Variants in TMEM245 observed in about 807,000 individuals in gnomAD.
TMEM245 encodes protein CG-2.
TMEM245 carries 69 observed loss-of-function variants against 101.2 expected under a neutral mutation model. That is an observed-to-expected ratio of 0.68 (90% CI 0.56 to 0.83). TMEM245 has a LOEUF of 0.83. TMEM245 is among the 40% of genes least tolerant of loss of function. The pLI is 0.00. For synonymous variants in TMEM245, 537 were observed against 449.8 expected, an observed-to-expected ratio of 1.19 and a Z score of -2.45; for missense variants, 1,075 against 1,092.8, an observed-to-expected ratio of 0.98 and a Z score of 0.23.
intron 1 of TMEM245, among the ~76,000 whole-genome samples, chr9:109,109,751 A>G (rs1588082027): frequency 6.6e-6 from 1 of 152,292 alleles, no homozygotes; most frequent in East Asian, 1.9e-4. Flanking sequence ...ACAACTGGGA[A>G]ATGATTACGA....
At chr9:109,028,525 T>C (rs1166308183) in intron 17 of TMEM245, among the ~76,000 whole-genome samples, 3 of 151,832 alleles carry the variant, frequency 2.0e-5, no homozygotes, top group South Asian at 4.2e-4. Flanking sequence ...ATTCAAAAAA[T>C]TTCTGATTCT....
At chr9:109,092,880 C>T (rs181201030) in intron 4 of TMEM245, among the ~76,000 whole-genome samples, 22 of 152,246 alleles carry the variant, frequency 1.4e-4, no homozygotes, top group Admixed American at 1.2e-3. Context: ...TCCAAAACAA[C>T]CAGAGGGGTC....
Position 109,080,924 on chromosome 9 carries a change from T to C in TMEM245, c.1364A>G (p.Lys455Arg). ...LNKKMIIWLE[K>R]MLDKIISIFI... ...AATGCTAATTATTTTATCTAACATC[T>C]TCTCCAACCAGATGATCATCTGCAC... The change falls in exon 8 of 18, where the codon AAG (lysine) becomes AGG (arginine). Residue 455 changes from lysine (K) to arginine (R), a missense_variant. By Grantham distance (26) the Lys-to-Arg change is conservative. Coordinates refer to ENST00000374586, the MANE Select transcript of TMEM245 (RefSeq NM_032012.4). 2 of 1,604,256 alleles carry C rather than the reference T, an allele frequency of 1.2e-6. No homozygotes were observed.
rs190725288 is a variant in TMEM245 at position 109,020,540 on chromosome 9, A to G, written c.2595-35T>C. On this transcript the variant is annotated intron_variant, in intron 17 of 17. Transcript: ENST00000374586. ...AAAAAGACGGAATGATTAGTTGATT[A>G]CCATAAAACAGTATCCTATTTTTAC... 7.8e-5 allele frequency: 123 copies of G among 1,579,920 alleles called. No homozygotes were observed. In the East Asian group the frequency reaches 2.4e-3, roughly 31 times the overall value.
chr9:109,087,124 G>T, intron 6 of TMEM245, 49 bp downstream of exon 6: 1 of 1,499,146 alleles, frequency 6.7e-7, no homozygotes, highest in East Asian at 2.4e-5. Context: ...TTCAAACCAC[G>T]AAATATATTA....
rs1004558161 is a variant in TMEM245 at position 109,018,492 on chromosome 9, T to A, written c.*1968A>T. Reference sequence around the variant, plus strand: ...TCTAATACTCAGTGGAATAGCTGATTATAATCGCTAAAATATTCATAATAG... The same window carrying A: ...TCTAATACTCAGTGGAATAGCTGATAATAATCGCTAAAATATTCATAATAG... On this transcript the variant is annotated 3_prime_UTR_variant, in exon 18 of 18. Coordinates refer to ENST00000374586, the MANE Select transcript of TMEM245 (RefSeq NM_032012.4). 16 of 152,168 alleles carry A rather than the reference T, an allele frequency of 1.1e-4. No homozygotes were observed. The highest frequency in any genetic ancestry group is 3.9e-4 in the African/African-American group (16 of 41,422). The allele number at this position is 152,168 out of a possible 1,614,324, so 9.4% of individuals were successfully genotyped here.
chr9:109,042,839 A>ATTTTT (rs754295748), intron 14 of TMEM245, among the ~76,000 whole-genome samples: 26 of 115,524 alleles, frequency 2.3e-4, no homozygotes, highest in African/African-American at 2.7e-4. Context: ...ATAGCTGACA[A>ATTTTT]TTTTTTTTTT....
At chr9:109,091,345 A>G (rs1171013694) in intron 4 of TMEM245, among the ~76,000 whole-genome samples, 190 bp from the exon 5 acceptor site, 1 of 152,230 alleles carries the variant, frequency 6.6e-6, no homozygotes, top group African/African-American at 2.4e-5. Context: ...ATGGAGAATT[A>G]CAATGCCAAT....
intron 7 of TMEM245, among the ~76,000 whole-genome samples, chr9:109,082,382 G>A (rs922720651): frequency 2.0e-5 from 3 of 152,298 alleles, no homozygotes; most frequent in Admixed American, 6.5e-5. Context: ...AAGGTCAGAT[G>A]TCATATTCTG....
chr9:109,107,760 G>T (rs1000701474), intron 2 of TMEM245, among the ~76,000 whole-genome samples: 6 of 152,094 alleles, frequency 3.9e-5, no homozygotes, highest in Non-Finnish European at 7.3e-5. Context: ...TGTTTCCATT[G>T]GCTCAAACTT....
intron 11 of TMEM245, 31 bp downstream of exon 11, chr9:109,060,323 A>G: frequency 6.7e-7 from 1 of 1,497,528 alleles, no homozygotes; most frequent in South Asian, 1.2e-5. Flanking sequence ...TTATTAGTTT[A>G]CAACAGGAAA....
rs1830612362 is a variant in TMEM245 at position 109,113,072 on chromosome 9, T to C, written c.580-4502A>G. Among the ~76,000 whole-genome samples, 9 of 152,316 alleles carry C rather than the reference T, an allele frequency of 5.9e-5. No homozygotes were observed. In the South Asian group the frequency reaches 1.9e-3, roughly 32 times the overall value. On this transcript the variant is annotated intron_variant, in intron 1 of 17. Transcript: ENST00000374586. ...GCCTGAGTGACAGAGCAAGGCTCCA[T>C]CTCAGCGGGGCCAGGGGCAGGGCGG...
At chr9:109,088,339 G>C (rs1008117022) in intron 5 of TMEM245, among the ~76,000 whole-genome samples, 2 of 152,142 alleles carry the variant, frequency 1.3e-5, no homozygotes, top group African/African-American at 4.8e-5. Context: ...GTAATTACAA[G>C]CTGTAGAAAA....
At chr9:109,115,429 T>TA (rs1462040016) in intron 1 of TMEM245, among the ~76,000 whole-genome samples, 2 of 147,250 alleles carry the variant, frequency 1.4e-5, no homozygotes, top group Middle Eastern at 3.6e-3. Context: ...TGCATAGATA[T>TA]AAAAATAAAA....
Position 109,100,766 on chromosome 9 carries a change from A to C in TMEM245, c.799+5742T>G, listed in dbSNP as rs543593247. Among the ~76,000 whole-genome samples, 11 of 152,328 alleles carry C rather than the reference A, an allele frequency of 7.2e-5. No homozygotes were observed. The South Asian group carries it at 2.3e-3, about 32-fold the overall frequency. On this transcript the variant is annotated intron_variant, in intron 3 of 17. Transcript: ENST00000374586. Reference sequence around the variant, plus strand: ...AATGAAGATACCATCTATCTTACAAAGATTTATTTGTTTGAGTTCTGTTTT... The same window carrying C: ...AATGAAGATACCATCTATCTTACAACGATTTATTTGTTTGAGTTCTGTTTT...
intron 12 of TMEM245, among the ~76,000 whole-genome samples, chr9:109,056,515 C>G (rs1296054397): frequency 6.7e-6 from 1 of 148,994 alleles, no homozygotes; most frequent in Non-Finnish European, 1.5e-5. Flanking sequence ...ACTTAGGAGG[C>G]TGAGGTAGGA....
chr9:109,100,291 TAGGGTCAAGAAC>T (rs1274716345), intron 3 of TMEM245, among the ~76,000 whole-genome samples: 4 of 152,118 alleles, frequency 2.6e-5, no homozygotes, highest in Non-Finnish European at 5.9e-5. Context: ...ACGCTGGGCT[TAGGGTCAAGAAC>T]CTATGTTTAT....
intron 1 of TMEM245, among the ~76,000 whole-genome samples, chr9:109,118,398 C>G (rs1830786745): frequency 6.6e-6 from 1 of 152,208 alleles, no homozygotes; most frequent in Non-Finnish European, 1.5e-5. Context: ...GTAAATGGTA[C>G]TGTTTATGAA....
chr9:109,038,989 G>A (rs1828223545), intron 14 of TMEM245: 1 of 152,212 alleles, frequency 6.6e-6, no homozygotes, highest in Admixed American at 6.5e-5. Context: ...GTGCAGAGGG[G>A]TGCAGGGAAA....
Sources: gnomAD v4.1 joint callset for allele counts (sites outside exome capture counted in the v4.1 genomes callset) on GRCh38, gnomAD v4.1.1 for gene constraint, MANE v1.5 for transcripts, NCBI Gene and HGNC (gene_info 2026-07-23, HGNC 2026-07-21) for gene names.